Variants in TSNAX observed in about 807,000 individuals in gnomAD.
TSNAX encodes the protein translin-associated protein X.
TSNAX carries 12 observed loss-of-function variants against 33.0 expected under a neutral mutation model. That is an observed-to-expected ratio of 0.36 (90% CI 0.23 to 0.59). TSNAX has a LOEUF of 0.59. Ranked by LOEUF, TSNAX falls within the 20% of genes least tolerant of loss-of-function variation. TSNAX has a pLI of 0.74. For synonymous variants in TSNAX, 110 were observed against 117.2 expected, an observed-to-expected ratio of 0.94 and a Z score of 0.40; for missense variants, 267 against 341.3, an observed-to-expected ratio of 0.78 and a Z score of 1.72.
intron 5 of TSNAX, 39 bp from the exon 6 acceptor site, chr1:231,564,488 TG>T: frequency 6.3e-7 from 1 of 1,582,624 alleles, no homozygotes; most frequent in South Asian, 1.2e-5. Flanking sequence ...TTCTTGTGTG[TG>T]TGTGTGTGTG....
At chr1:231,559,636 AGTT>A (rs768931894) in intron 4 of TSNAX, among the ~76,000 whole-genome samples, 10 of 152,028 alleles carry the variant, frequency 6.6e-5, no homozygotes, top group Non-Finnish European at 1.0e-4. Flanking sequence ...GCCAGAAAGT[AGTT>A]GTTTTAAAAC....
At chr1:231,535,432 A>G (rs201273874) in intron 2 of TSNAX, 45 of 152,212 alleles carry the variant, frequency 3.0e-4, no homozygotes, top group Non-Finnish European at 4.9e-4. Flanking sequence ...TAGTAAGGAA[A>G]AAATTTTGAG....
chr1:231,528,747 C>T lies in TSNAX; in HGVS notation c.-64C>T. On this transcript the variant is annotated 5_prime_UTR_variant, in exon 1 of 6. Transcript: ENST00000366639. ...TTTCCCAGGTTCCCTCGGCCTGTACCTCGCGCACTCCTCTTGCTCCAGGTC... is the reference window on the plus strand; with the variant it reads ...TTTCCCAGGTTCCCTCGGCCTGTACTTCGCGCACTCCTCTTGCTCCAGGTC... 2 of 1,608,346 alleles carry T rather than the reference C, an allele frequency of 1.2e-6. No individual in the cohort carries two copies. Among genetic ancestry groups the T allele is most frequent in the South Asian group, 2.2e-5 (2 of 90,880 alleles).
intron 3 of TSNAX, among the ~76,000 whole-genome samples, chr1:231,538,235 A>G (rs1659319172): frequency 6.6e-6 from 1 of 152,252 alleles, no homozygotes; most frequent in South Asian, 2.1e-4. Flanking sequence ...CAAGTAAAAG[A>G]AACTAACTTA....
chr1:231,544,616 G>T (rs890953011), intron 4 of TSNAX, among the ~76,000 whole-genome samples: 2 of 152,194 alleles, frequency 1.3e-5, no homozygotes, highest in African/African-American at 2.4e-5. Flanking sequence ...GGACATTTCA[G>T]ATTTGCTGTA....
rs202196513 is a variant in TSNAX, at chr1:231,559,981, TA to T, written c.368-1146del. On this transcript the variant is annotated intron_variant, in intron 4 of 5. Coordinates refer to ENST00000366639, the MANE Select transcript of TSNAX (RefSeq NM_005999.3). ...AGATCCAAATTATTATTATTATTAT[TA>T]TTATTTTTTTTTTTTTGCGACGAGT... is the stretch of plus-strand genomic sequence containing the variant. Among the ~76,000 whole-genome samples the T allele has an allele frequency of 7.5e-3, 1,095 of 146,552 alleles. 13 individuals are homozygous for T. Among genetic ancestry groups the T allele is most frequent in the African/African-American group, 0.026 (1,026 of 39,672 alleles).
chr1:231,561,154 T>A lies in TSNAX; in HGVS notation c.394T>A (p.Ser132Thr). The A allele has an allele frequency of 6.2e-7, 1 of 1,611,192 alleles. No individual in the cohort carries two copies. Among genetic ancestry groups the A allele is most frequent in the African/African-American group, 1.3e-5 (1 of 74,874 alleles). Residue 132 changes from serine to threonine, a missense_variant, in exon 5 of 6, where the codon TCT becomes ACT. Coordinates refer to ENST00000366639, the MANE Select transcript of TSNAX (RefSeq NM_005999.3). ...ACTACAGGAATATGTGGAAGCTGTC[T>A]CTTTTCAACACTTCATCAAAACACG... Reference protein sequence around the residue: ...TGLQEYVEAVSFQHFIKTRSL... With the variant: ...TGLQEYVEAVTFQHFIKTRSL...
intron 4 of TSNAX, among the ~76,000 whole-genome samples, chr1:231,548,661 G>A (rs530672251): frequency 2.6e-5 from 4 of 152,208 alleles, no homozygotes; most frequent in African/African-American, 4.8e-5. Flanking sequence ...AATGTTATTT[G>A]TTAAGAGGAG....
At chr1:231,545,865 CT>C (rs1336226201) in intron 4 of TSNAX, among the ~76,000 whole-genome samples, 1 of 152,150 alleles carries the variant, frequency 6.6e-6, no homozygotes. Context: ...ATTTTTACCA[CT>C]TCACAGGCGG....
In TSNAX at chr1:231,528,694, G is replaced by C. The variant is rs1222612435; in HGVS notation, c.-117G>C. On this transcript the variant is annotated 5_prime_UTR_variant, in exon 1 of 6. Coordinates refer to ENST00000366639, the MANE Select transcript of TSNAX (RefSeq NM_005999.3). Reference sequence around the variant, plus strand: ...CCGGCCACTGCGTTGTAGTCGGCCCGGCTGCAAAGCGTTTTTCTGCAGGCT... The same window carrying C: ...CCGGCCACTGCGTTGTAGTCGGCCCCGCTGCAAAGCGTTTTTCTGCAGGCT... The C allele has an allele frequency of 2.5e-6, 3 of 1,224,320 alleles. No homozygotes were observed. Among genetic ancestry groups the C allele is most frequent in the Admixed American group, 1.9e-5 (1 of 52,698 alleles). 75.8% of individuals were successfully genotyped at this position (1,224,320 alleles called of 1,614,324 possible).
At chr1:231,560,575 C>A (rs1016931582) in intron 4 of TSNAX, among the ~76,000 whole-genome samples, 2 of 151,458 alleles carry the variant, frequency 1.3e-5, no homozygotes, top group African/African-American at 4.8e-5. Flanking sequence ...CCACCACACC[C>A]GGCTAATATT....
intron 4 of TSNAX, among the ~76,000 whole-genome samples, chr1:231,543,564 C>G (rs1263410156): frequency 5.3e-5 from 8 of 152,106 alleles, no homozygotes; most frequent in African/African-American, 1.9e-4. Flanking sequence ...TATCAGTACC[C>G]TAAGATTTGC....
intron 4 of TSNAX, 46 bp downstream of exon 4, chr1:231,542,657 G>C: frequency 2.5e-6 from 4 of 1,574,226 alleles, no homozygotes; most frequent in Non-Finnish European, 3.5e-6. Flanking sequence ...TAAATGGTGT[G>C]CTACATGATT....
At chr1:231,560,173 GT>G (rs1660971408) in intron 4 of TSNAX, among the ~76,000 whole-genome samples, 1 of 151,144 alleles carries the variant, frequency 6.6e-6, no homozygotes, top group Non-Finnish European at 1.5e-5. Flanking sequence ...TAGAAATGTG[GT>G]TTCACCATGT....
chr1:231,559,990 T>A (rs1179352106), intron 4 of TSNAX, among the ~76,000 whole-genome samples: 1 of 150,220 alleles, frequency 6.7e-6, no homozygotes, highest in Non-Finnish European at 1.5e-5. Flanking sequence ...TTATTATTTT[T>A]TTTTTTTTGC....
At chr1:231,559,185 C>T (rs1660877997) in intron 4 of TSNAX, among the ~76,000 whole-genome samples, 1 of 152,084 alleles carries the variant, frequency 6.6e-6, no homozygotes, top group Admixed American at 6.5e-5. Flanking sequence ...AATGTATTCT[C>T]TTGCTATTTT....
intron 4 of TSNAX, among the ~76,000 whole-genome samples, chr1:231,553,622 T>G (rs555324086): frequency 6.6e-6 from 1 of 152,250 alleles, no homozygotes; most frequent in African/African-American, 2.4e-5. Context: ...TTCAGTGTTT[T>G]GGGCCAGATG....
intron 5 of TSNAX, 145 bp downstream of exon 5, chr1:231,561,400 G>T: frequency 1.5e-6 from 1 of 681,548 alleles, no homozygotes; most frequent in Non-Finnish European, 2.3e-6. Flanking sequence ...CTAGGAAATG[G>T]TCTTTTTAAA....
intron 2 of TSNAX, 42 bp downstream of exon 2, chr1:231,529,401 A>C: frequency 6.3e-7 from 1 of 1,586,916 alleles, no homozygotes; most frequent in South Asian, 1.1e-5. Context: ...GGAGAGAACA[A>C]AATTATTTAG....
Sources: gnomAD v4.1 joint callset for allele counts (sites outside exome capture counted in the v4.1 genomes callset) on GRCh38, gnomAD v4.1.1 for gene constraint, MANE v1.5 for transcripts, NCBI Gene and HGNC (gene_info 2026-07-23, HGNC 2026-07-21) for gene names.